CASTOR2: variants seen among roughly 807,000 people sequenced by gnomAD.
CASTOR2 encodes GATS protein like 2.
CASTOR2 carries 8 observed loss-of-function variants against 31.2 expected under a neutral mutation model. That is an observed-to-expected ratio of 0.26 (90% confidence interval 0.15 to 0.46). The LOEUF (loss-of-function observed/expected upper bound fraction) is 0.46. CASTOR2 is among the 20% of genes least tolerant of loss of function. CASTOR2 has a pLI of 0.99. For synonymous variants in CASTOR2, 162 were observed against 158.7 expected (o/e 1.02, Z -0.16); for missense variants, 216 against 382.1 (o/e 0.57, Z 3.62).
chr7:75,022,780 C>T (rs970734724), intron 7 of CASTOR2, among the ~76,000 whole-genome samples: 2 of 152,112 alleles, frequency 1.3e-5, no homozygotes, highest in African/African-American at 4.8e-5. Flanking sequence ...GCCTGGGCAA[C>T]AGAGCAAGAC....
At position 75,025,771 on chromosome 7, in the gene CASTOR2, T is replaced by C. The variant is rs1805111158; in HGVS notation, c.*1072T>C. On this transcript the variant is annotated 3_prime_UTR_variant, in exon 9 of 9. Transcript: ENST00000616305. ...TAATGTATTTGCACCCAGGGTGCTC[T>C]TGGCGGTAGTTTCTGTTTGGCAGGG... is the stretch of plus-strand genomic sequence containing the variant. Among the ~76,000 whole-genome samples, 2 of 152,264 alleles carry C rather than the reference T, an allele frequency of 1.3e-5. No homozygotes were observed. The highest frequency in any genetic ancestry group is 4.8e-5 in the African/African-American group (2 of 41,472).
chr7:75,028,206 C>T lies in CASTOR2; in HGVS notation c.*3507C>T. The T allele has an allele frequency of 2.3e-6, 2 of 882,878 alleles. No individual in the cohort carries two copies. The highest frequency in any genetic ancestry group is 1.8e-5 in the South Asian group (1 of 55,008). 54.7% of individuals were successfully genotyped at this position (882,878 alleles called of 1,614,324 possible). A position where few individuals can be genotyped will look rare whatever the true frequency, so the allele number is the denominator to read the frequency against. On this transcript the variant is annotated 3_prime_UTR_variant, in exon 9 of 9. Coordinates refer to ENST00000616305, the MANE Select transcript of CASTOR2 (RefSeq NM_001145064.3). ...GATCTCAGCTCACTGCAGCAACCTC[C>T]ACTTCCTGGGTTCAAGCGAGTCTCC...
chr7:75,018,860 C>T (rs1804928273), intron 4 of CASTOR2, 112 bp from the exon 5 acceptor site: 1 of 1,516,372 alleles, frequency 6.6e-7, no homozygotes, highest in African/African-American at 1.4e-5. Flanking sequence ...GTGAATGAGT[C>T]TCTTGGGGCC....
chr7:75,023,629 G>T (rs1805059676), intron 7 of CASTOR2, among the ~76,000 whole-genome samples: 1 of 151,784 alleles, frequency 6.6e-6, no homozygotes, highest in South Asian at 2.1e-4. Flanking sequence ...TAGTAGAGAT[G>T]GGGTTTCACC....
At chr7:75,017,044 A>G (rs1804879006) in intron 2 of CASTOR2, among the ~76,000 whole-genome samples, 3 of 152,220 alleles carry the variant, frequency 2.0e-5, no homozygotes, top group Admixed American at 2.0e-4. Context: ...GTGCATACCT[A>G]TAATCTCCGC....
chr7:74,994,347 A>T (rs1804287717), intron 1 of CASTOR2, among the ~76,000 whole-genome samples: 6 of 152,114 alleles, frequency 3.9e-5, no homozygotes, highest in Non-Finnish European at 7.4e-5. Context: ...GGGCGAGGGG[A>T]CCAGCTGCGA....
At chr7:75,000,176 T>TGATCATGCCAGTG (rs1198014396) in intron 1 of CASTOR2, among the ~76,000 whole-genome samples, 1 of 152,034 alleles carries the variant, frequency 6.6e-6, no homozygotes, top group Non-Finnish European at 1.5e-5. Flanking sequence ...CAGTGAACTA[T>TGATCATGCCAGTG]GATCATGCCA....
At chr7:75,014,681 T>A (rs1804828257) in intron 2 of CASTOR2, among the ~76,000 whole-genome samples, 1 of 152,146 alleles carries the variant, frequency 6.6e-6, no homozygotes. Context: ...ACAGGCTGCC[T>A]GCTCCTGGCC....
At chr7:75,003,620 TGC>T (rs1804544553) in intron 1 of CASTOR2, among the ~76,000 whole-genome samples, 7 of 151,504 alleles carry the variant, frequency 4.6e-5, no homozygotes, top group Non-Finnish European at 7.4e-5. Flanking sequence ...CGTGGTGGCG[TGC>T]GCCTGTAGTC....
chr7:74,986,645 C>T (rs1330414674), intron 1 of CASTOR2, among the ~76,000 whole-genome samples: 1 of 152,150 alleles, frequency 6.6e-6, no homozygotes, highest in Non-Finnish European at 1.5e-5. Context: ...CGCCCCCTTC[C>T]GAAAATGTGG....
chr7:74,987,811 C>A (rs1400700230), intron 1 of CASTOR2, among the ~76,000 whole-genome samples: 5 of 151,926 alleles, frequency 3.3e-5, no homozygotes, highest in Non-Finnish European at 1.5e-5. Context: ...CAGGTTCAGG[C>A]AATTTTCCCA....
At position 75,031,457 on chromosome 7, in the gene CASTOR2, A is replaced by C. The variant is rs1191357105; in HGVS notation, c.*6758A>C. Among the ~76,000 whole-genome samples the C allele has an allele frequency of 6.6e-6, 1 of 151,890 alleles. No homozygotes were observed. Among genetic ancestry groups the C allele is most frequent in the Non-Finnish European group, 1.5e-5 (1 of 67,958 alleles). On this transcript the variant is annotated 3_prime_UTR_variant, in exon 9 of 9. Transcript: ENST00000616305. ...TACTGTATGTTGGAGAAAAAAAATTACCTAATGTTCCCCCAAAAAAGACAG... is the reference window on the plus strand; with the variant it reads ...TACTGTATGTTGGAGAAAAAAAATTCCCTAATGTTCCCCCAAAAAAGACAG...
intron 2 of CASTOR2, among the ~76,000 whole-genome samples, chr7:75,011,941 T>C (rs1295935137): frequency 1.3e-5 from 2 of 149,756 alleles, no homozygotes; most frequent in African/African-American, 4.9e-5. Flanking sequence ...CACTCCAGCC[T>C]GGGGGACAGA....
rs1372169225 is a variant in CASTOR2 at position 75,008,649 on chromosome 7, T to C, written c.184+585T>C. Reference sequence around the variant, plus strand: ...AGTTGGAGGCTGCAGTGAGCTGTTATTGAACCACTGCTTTCCAGGCTGGAA... The same window carrying C: ...AGTTGGAGGCTGCAGTGAGCTGTTACTGAACCACTGCTTTCCAGGCTGGAA... On this transcript the variant is annotated intron_variant, in intron 2 of 8. Transcript: ENST00000616305. Among the ~76,000 whole-genome samples, 96 of 152,238 alleles carry C rather than the reference T, an allele frequency of 6.3e-4. 1 individual carries two copies. Among genetic ancestry groups the C allele is most frequent in the Non-Finnish European group, 1.3e-3 (88 of 68,010 alleles).
At chr7:75,021,294 T>C (rs917165622) in intron 6 of CASTOR2, among the ~76,000 whole-genome samples, 10 of 152,202 alleles carry the variant, frequency 6.6e-5, no homozygotes, top group Middle Eastern at 3.4e-3. Flanking sequence ...ACCTGGCCAA[T>C]TTTTGTATTT....
Position 75,030,944 on chromosome 7 carries a change from C to G in CASTOR2, c.*6245C>G, listed in dbSNP as rs1324033266. Among the ~76,000 whole-genome samples, 1 of 152,196 alleles carries G rather than the reference C, an allele frequency of 6.6e-6. No individual in the cohort carries two copies. The highest frequency in any genetic ancestry group is 1.9e-4 in the East Asian group (1 of 5,194). Reference sequence around the variant, plus strand: ...GAAGGTCCAGAAGAATTGGAGACCCCTGCCCCTCACCCAAACTTTGGAGGT... The same window carrying G: ...GAAGGTCCAGAAGAATTGGAGACCCGTGCCCCTCACCCAAACTTTGGAGGT... On this transcript the variant is annotated 3_prime_UTR_variant, in exon 9 of 9. Coordinates refer to ENST00000616305, the MANE Select transcript of CASTOR2 (RefSeq NM_001145064.3).
intron 1 of CASTOR2, among the ~76,000 whole-genome samples, chr7:74,995,001 AT>A (rs1804306792): frequency 6.6e-6 from 1 of 152,150 alleles, no homozygotes; most frequent in Non-Finnish European, 1.5e-5. Context: ...GAGATTGCAG[AT>A]TCCAGGGAGG....
chr7:74,990,001 G>A (rs1804167831), intron 1 of CASTOR2, among the ~76,000 whole-genome samples: 1 of 152,020 alleles, frequency 6.6e-6, no homozygotes, highest in Non-Finnish European at 1.5e-5. Flanking sequence ...GTTATAGTAA[G>A]TTATGCCGCA....
intron 6 of CASTOR2, among the ~76,000 whole-genome samples, chr7:75,021,074 C>A (rs1427310141): frequency 1.3e-5 from 2 of 152,128 alleles, no homozygotes; most frequent in African/African-American, 4.8e-5. Flanking sequence ...TCACTGCAAC[C>A]TCCACCTCCC....
Sources: gnomAD v4.1 joint callset for allele counts (sites outside exome capture counted in the v4.1 genomes callset) on GRCh38, gnomAD v4.1.1 for gene constraint, MANE v1.5 for transcripts, NCBI Gene and HGNC (gene_info 2026-07-23, HGNC 2026-07-21) for gene names.